The following FAM83D variants were observed in gnomAD, a reference collection of about 807,000 sequenced individuals.
FAM83D encodes protein FAM83D.
Under a neutral mutation model 25.4 loss-of-function variants are expected in FAM83D, and 26 were observed. The observed-to-expected ratio is 1.02, with a 90% CI of 0.75 to 1.42. FAM83D has a LOEUF of 1.42. Ranked by LOEUF, FAM83D falls within the 40% of genes most tolerant of loss-of-function variation. FAM83D has a pLI of 0.00. For synonymous variants in FAM83D, 310 were observed against 318.5 expected (o/e 0.97, Z 0.28); for missense variants, 740 against 758.1 (o/e 0.98, Z 0.28).
chr20:38,946,900 C>A (rs1039777769), intron 2 of FAM83D, among the ~76,000 whole-genome samples: 8 of 152,116 alleles, frequency 5.3e-5, no homozygotes, highest in Non-Finnish European at 1.0e-4. Context: ...TATAGGTTTT[C>A]ATTTCTCTGG....
chr20:38,939,614 G>A (rs2085693071), intron 1 of FAM83D, among the ~76,000 whole-genome samples: 7 of 152,174 alleles, frequency 4.6e-5, no homozygotes, highest in Admixed American at 4.6e-4. Flanking sequence ...GCCTCCCAAA[G>A]CACTGGGATT....
In FAM83D at chr20:38,926,863, G is replaced by A; in HGVS notation, c.421G>A (p.Gly141Ser). The A allele has an allele frequency of 6.6e-7, 1 of 1,517,240 alleles. No homozygotes were observed. The highest frequency in any genetic ancestry group is 8.8e-7 in the Non-Finnish European group (1 of 1,137,794). 94.0% of individuals were successfully genotyped at this position (1,517,240 alleles called of 1,614,324 possible). The change falls in exon 1 of 4, where the codon GGC (glycine) becomes AGC (serine). Residue 141 changes from glycine to serine, a missense_variant. Around this residue, in one of 3 missense-constraint regions of FAM83D, gnomAD observed 333 missense variants for 298.6 expected, o/e 1.12. Coordinates refer to ENST00000619850, the MANE Select transcript of FAM83D (RefSeq NM_030919.3). ...GACGCACTTCCAGCCCCGCGGCGCT[G>A]GCGAAGGTGGCCCCTACGGCTGCAA... ...VETHFQPRGA[G>S]EGGPYGCKDA...
Position 38,926,846 on chromosome 20 carries a change from T to A in FAM83D, c.404T>A (p.Phe135Tyr). The change falls in exon 1 of 4, where the codon TTC becomes TAC. Residue 135 changes from phenylalanine (F) to tyrosine (Y), a missense_variant. Physicochemically the swap from Phe to Tyr is conservative, Grantham distance 22. This residue lies in a region of FAM83D where 333 missense variants were observed against 298.6 expected (regional missense o/e 1.12). Transcript: ENST00000619850. ...YRGATRVETH[F>Y]QPRGAGEGGP... ...GGCGCCACGCGTGTCGAGACGCACT[T>A]CCAGCCCCGCGGCGCTGGCGAAGGT... The A allele has an allele frequency of 6.5e-7, 1 of 1,529,172 alleles. No homozygotes were observed. The highest frequency in any genetic ancestry group is 8.7e-7 in the Non-Finnish European group (1 of 1,143,394). The allele number at this position is 1,529,172 out of a possible 1,614,324, so 94.7% of individuals were successfully genotyped here.
chr20:38,953,104 G>T lies in FAM83D; in HGVS notation c.*584G>T, dbSNP rs2085764135. 6.6e-6 allele frequency: 1 copy of T among 152,612 alleles called. No individual in the cohort carries two copies. Among genetic ancestry groups the T allele is most frequent in the Middle Eastern group, 3.2e-3 (1 of 316 alleles). 9.5% of individuals were successfully genotyped at this position (152,612 alleles called of 1,614,324 possible). On this transcript the variant is annotated 3_prime_UTR_variant, in exon 4 of 4. Transcript: ENST00000619850. ...TAAATAAATATAAACTTGTGCTTCT[G>T]TACTTTTTCCCCCCCTCTGACACTT...
intron 1 of FAM83D, among the ~76,000 whole-genome samples, chr20:38,939,653 C>T (rs544023636): frequency 3.3e-5 from 5 of 152,252 alleles, no homozygotes; most frequent in African/African-American, 1.2e-4. Flanking sequence ...GCCCGGCCCC[C>T]TTAGTTTAAT....
At chr20:38,941,880 G>GGAGTCCA in intron 1 of FAM83D, 79 bp from the exon 2 acceptor site, 3 of 1,389,912 alleles carry the variant, frequency 2.2e-6, no homozygotes, top group Non-Finnish European at 2.0e-6. Flanking sequence ...AGTTCTGAGT[G>GGAGTCCA]GAGTCCAGAG....
intron 1 of FAM83D, among the ~76,000 whole-genome samples, chr20:38,934,322 G>T (rs948440373): frequency 5.9e-5 from 9 of 151,704 alleles, no homozygotes; most frequent in African/African-American, 2.2e-4. Context: ...TCTTGAACCC[G>T]GTCTCTACTA....
chr20:38,945,427 G>C (rs1314394824), intron 2 of FAM83D, among the ~76,000 whole-genome samples: 1 of 150,064 alleles, frequency 6.7e-6, no homozygotes, highest in Non-Finnish European at 1.5e-5. Flanking sequence ...AATAATTTAA[G>C]ATTTATAAAG....
intron 3 of FAM83D, 101 bp downstream of exon 3, chr20:38,948,101 G>A (rs2085736879): frequency 5.0e-6 from 7 of 1,396,152 alleles, no homozygotes; most frequent in Admixed American, 4.5e-5. Context: ...AGCCTGTATG[G>A]CCATGCATTC....
Position 38,952,160 on chromosome 20 carries a change from A to G in FAM83D, c.1398A>G (p.Lys466=). 3 of 1,614,124 alleles carry G rather than the reference A, an allele frequency of 1.9e-6. No individual in the cohort carries two copies. The highest frequency in any genetic ancestry group is 2.5e-6 in the Non-Finnish European group (3 of 1,180,026). The part of the protein sequence containing the change: ...TQSTEGSPVS[K]MSVSRSSSLK... ...CTACAGAAGGGTCACCAGTCTCAAAAATGTCTGTATCGAGATCTTCCAGTT... is the reference window on the plus strand; with the variant it reads ...CTACAGAAGGGTCACCAGTCTCAAAGATGTCTGTATCGAGATCTTCCAGTT... Residue 466 remains lysine (K), a synonymous_variant, in exon 4 of 4, where the codon AAA becomes AAG. Coordinates refer to ENST00000619850, the MANE Select transcript of FAM83D (RefSeq NM_030919.3).
chr20:38,926,855 G>A lies in FAM83D; in HGVS notation c.413G>A (p.Arg138His), dbSNP rs1246181407. ...CGTGTCGAGACGCACTTCCAGCCCC[G>A]CGGCGCTGGCGAAGGTGGCCCCTAC... ...ATRVETHFQP[R>H]GAGEGGPYGC... is the part of the protein sequence containing the mutation. Residue 138 changes from arginine to histidine, a missense_variant, in exon 1 of 4, where the codon CGC becomes CAC. Around this residue, in one of 3 missense-constraint regions of FAM83D, gnomAD observed 333 missense variants for 298.6 expected, o/e 1.12. Transcript: ENST00000619850. 19 of 1,522,466 alleles carry A rather than the reference G, an allele frequency of 1.2e-5. No individual in the cohort carries two copies. Among genetic ancestry groups the A allele is most frequent in the Non-Finnish European group, 1.7e-5 (19 of 1,140,344 alleles). 94.3% of individuals were successfully genotyped at this position (1,522,466 alleles called of 1,614,324 possible). A position where few individuals can be genotyped will look rare whatever the true frequency, so the allele number is the denominator to read the frequency against.
intron 1 of FAM83D, among the ~76,000 whole-genome samples, chr20:38,937,889 C>T (rs994398746): frequency 2.0e-5 from 3 of 150,752 alleles, no homozygotes; most frequent in East Asian, 2.0e-4. Flanking sequence ...GCTTCAGAGG[C>T]GGAGGTTGCA....
chr20:38,932,908 G>A (rs574665906), intron 1 of FAM83D, among the ~76,000 whole-genome samples: 25 of 152,176 alleles, frequency 1.6e-4, no homozygotes, highest in Non-Finnish European at 3.2e-4. Flanking sequence ...CGTTAGTAGT[G>A]GGGATCATTG....
rs2085734746 is a variant in FAM83D at position 38,947,845 on chromosome 20, C to T, written c.652-31C>T. ...AGCAGATGAGTATTGCTGAATTGTT[C>T]ATTTATATTTCTCCCACTCCCTGCC... is the stretch of plus-strand genomic sequence containing the variant. On this transcript the variant is annotated intron_variant, in intron 2 of 3. Coordinates refer to ENST00000619850, the MANE Select transcript of FAM83D (RefSeq NM_030919.3). 1.9e-6 allele frequency: 3 copies of T among 1,610,890 alleles called. No homozygotes were observed. The South Asian group carries it at 3.3e-5, about 18-fold the overall frequency.
chr20:38,943,222 G>T (rs1337292149), intron 2 of FAM83D, among the ~76,000 whole-genome samples: 1 of 152,002 alleles, frequency 6.6e-6, no homozygotes, highest in East Asian at 1.9e-4. Flanking sequence ...ATGGGGTTTT[G>T]CCATGTTGTC....
At position 38,952,636 on chromosome 20, in the gene FAM83D, C is replaced by T. The variant is rs2085761901; in HGVS notation, c.*116C>T. ...CCTTTCTTTTACCTGACTTTGTCAC[C>T]TTTGTTGTCTTTGAATTCTTTAGGC... On this transcript the variant is annotated 3_prime_UTR_variant, in exon 4 of 4. Transcript: ENST00000619850. 1 of 1,142,602 alleles carries T rather than the reference C, an allele frequency of 8.8e-7. No homozygotes were observed. The highest frequency in any genetic ancestry group is 1.6e-5 in the African/African-American group (1 of 64,482). The allele number at this position is 1,142,602 out of a possible 1,614,324, so 70.8% of individuals were successfully genotyped here. A position where few individuals can be genotyped will look rare whatever the true frequency, so the allele number is the denominator to read the frequency against.
chr20:38,935,591 A>G (rs1356845341), intron 1 of FAM83D, among the ~76,000 whole-genome samples: 2 of 152,182 alleles, frequency 1.3e-5, no homozygotes, highest in African/African-American at 2.4e-5. Context: ...TTAAAGGCAC[A>G]TGCCACCACG....
chr20:38,928,096 G>A (rs983520822), intron 1 of FAM83D, among the ~76,000 whole-genome samples: 2 of 152,186 alleles, frequency 1.3e-5, no homozygotes, highest in African/African-American at 4.8e-5. Context: ...ATAGAGTGTC[G>A]TGGCAGACAC....
chr20:38,939,514 T>G (rs2085692703), intron 1 of FAM83D, among the ~76,000 whole-genome samples: 1 of 152,126 alleles, frequency 6.6e-6, no homozygotes, highest in Admixed American at 6.5e-5. Flanking sequence ...CATGTTCATC[T>G]AATTTTTTGT....
Sources: allele counts gnomAD v4.1 joint callset (sites outside exome capture counted in the v4.1 genomes callset), GRCh38; gene constraint gnomAD v4.1.1; regional missense constraint gnomAD v4.1.1; transcripts MANE v1.5; gene names NCBI Gene and HGNC (gene_info 2026-07-23, HGNC 2026-07-21).